MYBL2: variants seen among roughly 807,000 people sequenced by gnomAD.
MYBL2 encodes the protein myb-related protein B.
A neutral mutation model predicts 79.9 loss-of-function variants in MYBL2; 28 were observed. That is an observed-to-expected ratio of 0.35 (90% CI 0.26 to 0.48). The LOEUF (loss-of-function observed/expected upper bound fraction) is 0.48. Among genes scored for constraint, MYBL2 ranks in the 20% least tolerant of loss-of-function variants. The pLI, the probability that MYBL2 is intolerant of heterozygous loss-of-function variation, is 0.99. For missense variants in MYBL2, 735 were observed against 893.9 expected, an observed-to-expected ratio of 0.82 and a Z score of 2.27; for synonymous variants, 378 against 361.2, an observed-to-expected ratio of 1.05 and a Z score of -0.53.
At chr20:43,706,102 C>T (rs911891605) in intron 9 of MYBL2, among the ~76,000 whole-genome samples, 1 of 152,202 alleles carries the variant, frequency 6.6e-6, no homozygotes, top group Admixed American at 6.5e-5. Flanking sequence ...GCTGGGATTA[C>T]AGGCGTGAGC....
At chr20:43,690,627 A>G (rs921245560) in intron 5 of MYBL2, among the ~76,000 whole-genome samples, 4 of 152,304 alleles carry the variant, frequency 2.6e-5, no homozygotes, top group Admixed American at 1.3e-4. Context: ...AGTGCAAATG[A>G]TCCGAGGATA....
intron 1 of MYBL2, among the ~76,000 whole-genome samples, chr20:43,673,497 C>T (rs1437643278): frequency 1.3e-5 from 2 of 151,522 alleles, no homozygotes; most frequent in Non-Finnish European, 1.5e-5. Context: ...GTTAGCCGGG[C>T]GTGGTGGCAT....
chr20:43,670,359 G>T (rs1488414613), intron 1 of MYBL2, among the ~76,000 whole-genome samples: 1 of 152,092 alleles, frequency 6.6e-6, no homozygotes, highest in East Asian at 1.9e-4. Context: ...CCATGAACTG[G>T]GTCAGGAATG....
chr20:43,707,669 G>C (rs928215190), intron 9 of MYBL2, among the ~76,000 whole-genome samples: 1 of 152,148 alleles, frequency 6.6e-6, no homozygotes, highest in African/African-American at 2.4e-5. Context: ...GATTACAGGC[G>C]TGAGCTGTAA....
At chr20:43,688,073 C>T (rs1987321954) in intron 5 of MYBL2, among the ~76,000 whole-genome samples, 1 of 151,666 alleles carries the variant, frequency 6.6e-6, no homozygotes, top group African/African-American at 2.4e-5. Context: ...ATCTTTTCTC[C>T]TATTTTTCAT....
rs531036198 is a variant in MYBL2, at chr20:43,682,832, A to G, written c.225A>G (p.Arg75=). 11 of 1,613,950 alleles carry G rather than the reference A, an allele frequency of 6.8e-6. No homozygotes were observed. Among genetic ancestry groups the G allele is most frequent in the South Asian group, 1.1e-5 (1 of 91,092 alleles). The change falls in exon 4 of 14, where the codon AGA becomes AGG. Residue 75 remains arginine, a synonymous_variant. Coordinates refer to ENST00000217026, the MANE Select transcript of MYBL2 (RefSeq NM_002466.4). ...TDQQCQYRWL[R]VLNPDLVKGP... is the part of the protein sequence containing the mutation. ...AGCAATGCCAGTACAGGTGGCTGAG[A>G]GTTTTGAATCCAGACCTTGTCAAGG...
Position 43,692,184 on chromosome 20 carries a change from G to A in MYBL2, c.528G>A (p.Trp176Ter). 6.2e-7 allele frequency: 1 copy of A among 1,614,126 alleles called. No individual in the cohort carries two copies. The highest frequency in any genetic ancestry group is 8.5e-7 in the Non-Finnish European group (1 of 1,180,032). ...GRTDNAVKNH[W>*]NSTIKRKVDT... ...CAGACAATGCTGTGAAGAATCACTG[G>A]AACTCTACCATCAAAAGGAAGGTGG... is the stretch of plus-strand genomic sequence containing the variant. The change falls in exon 6 of 14, where the codon TGG becomes TGA. Residue 176 changes from tryptophan (W) to a stop codon, truncating the protein, a stop_gained. Coordinates refer to ENST00000217026, the MANE Select transcript of MYBL2 (RefSeq NM_002466.4). LOFTEE classifies it high-confidence loss of function.
At chr20:43,668,837 A>G (rs900134070) in intron 1 of MYBL2, among the ~76,000 whole-genome samples, 5 of 151,940 alleles carry the variant, frequency 3.3e-5, no homozygotes, top group Non-Finnish European at 5.9e-5. Context: ...AGTAGCTGGG[A>G]CTATGGGCAC....
At chr20:43,685,554 T>C (rs1455383077) in intron 4 of MYBL2, among the ~76,000 whole-genome samples, 1 of 152,136 alleles carries the variant, frequency 6.6e-6, no homozygotes, top group Non-Finnish European at 1.5e-5. Context: ...GGCCAGGAAT[T>C]TGAGAACAGC....
chr20:43,681,564 C>A (rs1013463101), intron 2 of MYBL2, among the ~76,000 whole-genome samples: 1 of 152,204 alleles, frequency 6.6e-6, no homozygotes, highest in Non-Finnish European at 1.5e-5. Flanking sequence ...TACTTTTGTT[C>A]CTGTGAGCCT....
chr20:43,716,250 C>G lies in MYBL2; in HGVS notation c.*163C>G. 9 of 1,045,552 alleles carry G rather than the reference C, an allele frequency of 8.6e-6. No individual in the cohort carries two copies. The highest frequency in any genetic ancestry group is 6.0e-5 in the East Asian group (2 of 33,088). 64.8% of individuals were successfully genotyped at this position (1,045,552 alleles called of 1,614,324 possible). ...GGAGGCAACAGGGCCATGTGCTGCC[C>G]TGTTGCCGAGCCCAGCTGTGGGCGG... is the stretch of plus-strand genomic sequence containing the variant. On this transcript the variant is annotated 3_prime_UTR_variant, in exon 14 of 14. Coordinates refer to ENST00000217026, the MANE Select transcript of MYBL2 (RefSeq NM_002466.4).
chr20:43,680,206 TTAG>T (rs1228304757), intron 2 of MYBL2, among the ~76,000 whole-genome samples: 1 of 151,978 alleles, frequency 6.6e-6, no homozygotes, highest in East Asian at 1.9e-4. Context: ...AATTTTTGTA[TTAG>T]TAGAGACGAA....
chr20:43,681,792 G>T lies in MYBL2; in HGVS notation c.123G>T (p.Gln41His), dbSNP rs755374467. The T allele has an allele frequency of 6.2e-7, 1 of 1,614,230 alleles. No individual in the cohort carries two copies. The highest frequency in any genetic ancestry group is 8.5e-7 in the Non-Finnish European group (1 of 1,180,046). The change falls in exon 3 of 14, where the codon CAG becomes CAT. Residue 41 changes from glutamine (Q) to histidine (H), a missense_variant. Gln to His is a conservative substitution (Grantham distance 24, BLOSUM62 0). Coordinates refer to ENST00000217026, the MANE Select transcript of MYBL2 (RefSeq NM_002466.4). ...KVKWTHEEDE[Q>H]LRALVRQFGQ... ...CTTTCTGGTGTTGGCAGGACGAGCA[G>T]CTGAGGGCCCTGGTGAGGCAGTTTG...
chr20:43,700,157 C>G, intron 7 of MYBL2, 113 bp downstream of exon 7: 1 of 1,396,156 alleles, frequency 7.2e-7, no homozygotes, highest in Non-Finnish European at 9.7e-7. Flanking sequence ...CAGTTACTGA[C>G]TTGATGCTGA....
chr20:43,698,124 C>T (rs1372426866), intron 6 of MYBL2, among the ~76,000 whole-genome samples: 10 of 139,606 alleles, frequency 7.2e-5, no homozygotes, highest in African/African-American at 2.4e-4. Context: ...ATTAAGGATG[C>T]TACTCCTTTA....
In MYBL2 at chr20:43,687,064, G is replaced by A; in HGVS notation, c.492G>A (p.Leu164=). 6.2e-7 allele frequency: 1 copy of A among 1,612,624 alleles called. No homozygotes were observed. Among genetic ancestry groups the A allele is most frequent in the African/African-American group, 1.3e-5 (1 of 74,998 alleles). ...GCTGGGCCGAGATCGCCAAGATGTTGCCAGGGAGGTAAGCTGTCTTCTTGG... is the reference window on the plus strand; with the variant it reads ...GCTGGGCCGAGATCGCCAAGATGTTACCAGGGAGGTAAGCTGTCTTCTTGG... ...GNRWAEIAKM[L]PGRTDNAVKN... Residue 164 remains leucine, a synonymous_variant, in exon 5 of 14, where the codon TTG becomes TTA. Transcript: ENST00000217026.
chr20:43,705,284 A>G lies in MYBL2; in HGVS notation c.1431A>G (p.Pro477=), dbSNP rs1364373916. ...AGAGCCCCTCGCTGACATCCACCCC[A>G]GTGTGCAGCCAGAAGGTGGTGGTCA... ...ELESPSLTST[P]VCSQKVVVTT... Residue 477 remains proline, a synonymous_variant, in exon 9 of 14, where the codon CCA becomes CCG. Transcript: ENST00000217026. 1 of 1,613,958 alleles carries G rather than the reference A, an allele frequency of 6.2e-7. No individual in the cohort carries two copies. Among genetic ancestry groups the G allele is most frequent in the East Asian group, 2.2e-5 (1 of 44,898 alleles).
intron 6 of MYBL2, among the ~76,000 whole-genome samples, chr20:43,697,300 T>C (rs1366221278): frequency 7.9e-5 from 12 of 152,118 alleles, no homozygotes; most frequent in Non-Finnish European, 1.5e-5. Flanking sequence ...TTTATTAAAA[T>C]ATAATTGACA....
At chr20:43,692,352 GATTTCAC>G in intron 6 of MYBL2, 33 bp downstream of exon 6, 1 of 1,611,296 alleles carries the variant, frequency 6.2e-7, no homozygotes, top group Non-Finnish European at 8.5e-7. Flanking sequence ...GGCTTGGTTT[GATTTCAC>G]ATTCATCTGA....
Sources: allele counts gnomAD v4.1 joint callset (sites outside exome capture counted in the v4.1 genomes callset), GRCh38; gene constraint gnomAD v4.1.1; transcripts MANE v1.5; gene names NCBI Gene and HGNC (gene_info 2026-07-23, HGNC 2026-07-21).